Variants in CCSER1 observed in about 807,000 individuals in gnomAD.
CCSER1 encodes the protein coiled-coil serine rich protein 1, also known as serine-rich coiled-coil domain-containing protein 1.
Under a neutral mutation model 82.0 loss-of-function variants are expected in CCSER1, and 41 were observed. That is an observed-to-expected ratio of 0.50 (90% CI 0.39 to 0.65). CCSER1 has a LOEUF of 0.65. Among genes scored for constraint, CCSER1 ranks in the 30% least tolerant of loss-of-function variants. The pLI, the probability that CCSER1 is intolerant of heterozygous loss-of-function variation, is 0.00. For missense variants in CCSER1, 1,119 were observed against 1,064.2 expected (o/e 1.05, Z -0.72); for synonymous variants, 414 against 383.9 (o/e 1.08, Z -0.92).
chr4:90,669,116 A>G (rs1732329207), intron 6 of CCSER1, among the ~76,000 whole-genome samples: 1 of 152,064 alleles, frequency 6.6e-6, no homozygotes. Context: ...TATATAATAT[A>G]GTGAACTCCA....
intron 1 of CCSER1, among the ~76,000 whole-genome samples, chr4:90,246,492 G>T (rs1721424561): frequency 6.6e-6 from 1 of 152,066 alleles, no homozygotes; most frequent in Non-Finnish European, 1.5e-5. Context: ...TACTATAAGA[G>T]CATGTAGTAA....
chr4:90,344,671 G>A (rs1026292104), intron 3 of CCSER1, among the ~76,000 whole-genome samples: 1 of 151,958 alleles, frequency 6.6e-6, no homozygotes, highest in Non-Finnish European at 1.5e-5. Context: ...TTCATGATAA[G>A]GTCAAAAAAT....
intron 8 of CCSER1, among the ~76,000 whole-genome samples, chr4:90,852,825 C>T (rs1764039845): frequency 6.6e-6 from 1 of 152,074 alleles, no homozygotes; most frequent in Admixed American, 6.5e-5. Context: ...TTTTCAGAAA[C>T]ATATAAAAGT....
At chr4:91,351,311 C>T (rs1047471351) in intron 10 of CCSER1, among the ~76,000 whole-genome samples, 4 of 151,948 alleles carry the variant, frequency 2.6e-5, no homozygotes, top group African/African-American at 9.7e-5. Context: ...ACTGGAAGGT[C>T]ACTAAATTGT....
rs150365442 is a variant in CCSER1 at position 90,973,771 on chromosome 4, G to A, written c.2172+50324G>A. Among the ~76,000 whole-genome samples the A allele has an allele frequency of 2.0e-4, 31 of 151,546 alleles. 1 individual carries two copies. Among genetic ancestry groups the A allele is most frequent in the African/African-American group, 3.6e-4 (15 of 41,366 alleles). On this transcript the variant is annotated intron_variant, in intron 9 of 10. Transcript: ENST00000509176. ...ATGGAAACAACGTAAATATCTGCCC[G>A]TGGATGAATGGATAAAGAAACTGTG...
At position 90,255,627 on chromosome 4, in the gene CCSER1, T is replaced by A. The variant is rs186134345; in HGVS notation, c.-41-52617T>A. 2.8e-4 allele frequency among the ~76,000 whole-genome samples: 42 copies of A among 151,694 alleles called. 1 individual carries two copies. In the East Asian group the frequency reaches 7.9e-3, roughly 29 times the overall value. On this transcript the variant is annotated intron_variant, in intron 1 of 10. Transcript: ENST00000509176. ...CTAACAATTTTCAGATATCTGTTTTTAAAATAAGTTTTACAAAAACTACTG... is the reference window on the plus strand; with the variant it reads ...CTAACAATTTTCAGATATCTGTTTTAAAAATAAGTTTTACAAAAACTACTG...
chr4:90,823,662 G>T (rs1380203352), intron 8 of CCSER1, among the ~76,000 whole-genome samples: 6 of 151,774 alleles, frequency 4.0e-5, no homozygotes, highest in South Asian at 2.1e-4. Flanking sequence ...CTCTATTTTG[G>T]GGGGGGATGT....
chr4:90,216,114 A>C lies in CCSER1; in HGVS notation c.-42+88283A>C, dbSNP rs928188930. 3.9e-5 allele frequency among the ~76,000 whole-genome samples: 6 copies of C among 152,150 alleles called. No homozygotes were observed. In the East Asian group the frequency reaches 1.2e-3, roughly 29 times the overall value. On this transcript the variant is annotated intron_variant, in intron 1 of 10. Transcript: ENST00000509176. ...TTTTTATATAACACAGACCCTTGCTACTCAAATGTGTGGTGGTTCTTGAAT... is the reference window on the plus strand; with the variant it reads ...TTTTTATATAACACAGACCCTTGCTCCTCAAATGTGTGGTGGTTCTTGAAT...
At chr4:90,735,156 T>C (rs946020154) in intron 7 of CCSER1, among the ~76,000 whole-genome samples, 9 of 152,170 alleles carry the variant, frequency 5.9e-5, no homozygotes, top group African/African-American at 2.2e-4. Context: ...ACCAGGCTTG[T>C]ATCTGTAGAA....
At chr4:91,279,689 T>G (rs1371040720) in intron 10 of CCSER1, among the ~76,000 whole-genome samples, 1 of 152,124 alleles carries the variant, frequency 6.6e-6, no homozygotes, top group East Asian at 1.9e-4. Context: ...AATTATCTTG[T>G]TTCTAAGTGA....
chr4:91,554,879 T>G (rs1444824554), intron 10 of CCSER1, among the ~76,000 whole-genome samples: 1 of 151,204 alleles, frequency 6.6e-6, no homozygotes, highest in Non-Finnish European at 1.5e-5. Flanking sequence ...GGATTACATC[T>G]ATGCACTTAG....
chr4:91,373,623 C>T (rs992962688), intron 10 of CCSER1, among the ~76,000 whole-genome samples: 3 of 152,068 alleles, frequency 2.0e-5, no homozygotes, highest in African/African-American at 7.2e-5. Flanking sequence ...TCATTATTTC[C>T]TGAGACACAA....
At chr4:90,862,627 T>C (rs908742000) in intron 8 of CCSER1, among the ~76,000 whole-genome samples, 2 of 151,928 alleles carry the variant, frequency 1.3e-5, no homozygotes, top group African/African-American at 4.8e-5. Flanking sequence ...AGTCCAGCAA[T>C]TCAAGATGGA....
At chr4:91,115,735 G>A (rs1221358139) in intron 10 of CCSER1, among the ~76,000 whole-genome samples, 3 of 149,240 alleles carry the variant, frequency 2.0e-5, no homozygotes, top group African/African-American at 2.5e-5. Context: ...GATATATAAC[G>A]AAAGTTGGAG....
intron 8 of CCSER1, among the ~76,000 whole-genome samples, chr4:90,861,540 G>T (rs1447274429): frequency 2.0e-5 from 3 of 151,556 alleles, no homozygotes; most frequent in Non-Finnish European, 3.0e-5. Flanking sequence ...TTTAAAATTT[G>T]CCCTTGTAAT....
chr4:90,169,437 C>T (rs541809423), intron 1 of CCSER1, among the ~76,000 whole-genome samples: 2 of 152,208 alleles, frequency 1.3e-5, no homozygotes, highest in Non-Finnish European at 1.5e-5. Context: ...GACAATTTGA[C>T]TTCCTCTTTT....
At position 90,721,549 on chromosome 4, in the gene CCSER1, A is replaced by G. The variant is rs142239064; in HGVS notation, c.1933-2365A>G. ...ATAATTCTGACAGAACATTTTATGAAGAAAGTTGTGGATTAACAAAAACCA... is the reference window on the plus strand; with the variant it reads ...ATAATTCTGACAGAACATTTTATGAGGAAAGTTGTGGATTAACAAAAACCA... On this transcript the variant is annotated intron_variant, in intron 6 of 10. Coordinates refer to ENST00000509176, the MANE Select transcript of CCSER1 (RefSeq NM_001145065.2). 4.7e-4 allele frequency among the ~76,000 whole-genome samples: 71 copies of G among 152,002 alleles called. No homozygotes were observed. The East Asian group carries it at 0.013, about 28-fold the overall frequency.
intron 1 of CCSER1, among the ~76,000 whole-genome samples, chr4:90,266,912 A>T (rs1426538947): frequency 6.6e-6 from 1 of 151,854 alleles, no homozygotes; most frequent in East Asian, 1.9e-4. Context: ...GAGCAAGTGG[A>T]CTTGGGGGCT....
chr4:91,228,281 A>G (rs897493980), intron 10 of CCSER1, among the ~76,000 whole-genome samples: 1 of 152,150 alleles, frequency 6.6e-6, no homozygotes, highest in African/African-American at 2.4e-5. Flanking sequence ...ACATTTTTCT[A>G]AAGAAGTACG....
Sources: gnomAD v4.1 joint callset for allele counts (sites outside exome capture counted in the v4.1 genomes callset) on GRCh38, gnomAD v4.1.1 for gene constraint, MANE v1.5 for transcripts, NCBI Gene and HGNC (gene_info 2026-07-23, HGNC 2026-07-21) for gene names.